LDLRAP1: variants seen among roughly 807,000 people sequenced by gnomAD.
The protein encoded by LDLRAP1 is low density lipoprotein receptor adapter protein 1.
A neutral mutation model predicts 37.8 loss-of-function variants in LDLRAP1; 30 were observed. The ratio of observed to expected loss-of-function variants is 0.79; its 90% CI spans 0.59 to 1.08. The LOEUF is 1.08. LDLRAP1 is among the 50% of genes least tolerant of loss of function. LDLRAP1 has a pLI of 0.00. For missense variants in LDLRAP1, 375 were observed against 401.6 expected, an observed-to-expected ratio of 0.93 and a Z score of 0.57; for synonymous variants, 156 against 169.8, an observed-to-expected ratio of 0.92 and a Z score of 0.63.
At chr1:25,583,072 A>G in the LDLRAP1 span, among the ~76,000 whole-genome samples, 3 of 151,986 alleles carry the variant, frequency 2.0e-5, no homozygotes, top group East Asian at 5.8e-4. Context: ...ACTATCTCAA[A>G]AAAAAAAACA....
Position 25,554,095 on chromosome 1 carries a change from A to G in LDLRAP1, c.231+31A>G, listed in dbSNP as rs781001444. ...CACCCCAGTCAGGAAGGGTGGGGGA[A>G]CCAGGGACCAAGGACCAGCTTCTTC... On this transcript the variant is annotated intron_variant, in intron 2 of 8. Transcript: ENST00000374338. The surrounding 1 kb of genome is among the most constrained non-coding windows in gnomAD (Gnocchi z 5.4). 2.5e-6 allele frequency: 4 copies of G among 1,611,846 alleles called. No homozygotes were observed. The highest frequency in any genetic ancestry group is 1.7e-4 in the Middle Eastern group (1 of 6,000).
chr1:25,543,880 G>C, intron 1 of LDLRAP1, 94 bp downstream of exon 1: 4 of 786,776 alleles, frequency 5.1e-6, no homozygotes, highest in Non-Finnish European at 5.0e-6. Flanking sequence ...GTTGGGCAGA[G>C]GCGGGGCCTC....
At chr1:25,550,814 C>T (rs567320936) in intron 1 of LDLRAP1, among the ~76,000 whole-genome samples, 1 of 151,992 alleles carries the variant, frequency 6.6e-6, no homozygotes, top group Non-Finnish European at 1.5e-5. Flanking sequence ...AAGGGTCAGG[C>T]CAGGGAAGGA....
rs2124692528 is a variant in LDLRAP1 at position 25,563,678 on chromosome 1, C to T, written c.634C>T (p.Leu212=). The T allele has an allele frequency of 6.2e-7, 1 of 1,613,794 alleles. No homozygotes were observed. The change falls in exon 7 of 9, where the codon CTG becomes TTG. Residue 212 remains leucine (L), a synonymous_variant. Transcript: ENST00000374338. ...SLKSLVATGN[L]LDLEETAKAP... ...CCTCACAGTGGTCGCCACTGGGAAC[C>T]TGCTGGACTTAGAGGAGACAGCTAA...
the LDLRAP1 span, among the ~76,000 whole-genome samples, chr1:25,576,769 C>G: frequency 6.6e-6 from 1 of 152,268 alleles, no homozygotes; most frequent in African/African-American, 2.4e-5. Flanking sequence ...TCTCCCACCC[C>G]ATCCGGCCTG....
chr1:25,582,547 T>G, the LDLRAP1 span, among the ~76,000 whole-genome samples: 1 of 150,150 alleles, frequency 6.7e-6, no homozygotes, highest in Non-Finnish European at 1.5e-5. Context: ...ATCGTGCCAC[T>G]GCACTCCAGC....
At chr1:25,566,262 C>T (rs1360894062) in intron 8 of LDLRAP1, among the ~76,000 whole-genome samples, 1 of 152,084 alleles carries the variant, frequency 6.6e-6, no homozygotes, top group Non-Finnish European at 1.5e-5. Context: ...ATCAGCTCAT[C>T]GTATTTGCAT....
intron 8 of LDLRAP1, 61 bp downstream of exon 8, chr1:25,565,268 C>T: frequency 6.3e-7 from 1 of 1,584,888 alleles, no homozygotes; most frequent in Non-Finnish European, 8.7e-7. Context: ...CCCTGCTGCC[C>T]TTTCTCCTGG....
chr1:25,566,168 A>G (rs953191097), intron 8 of LDLRAP1, among the ~76,000 whole-genome samples: 1 of 152,222 alleles, frequency 6.6e-6, no homozygotes, highest in Non-Finnish European at 1.5e-5. Flanking sequence ...ATTAAACAGA[A>G]AGTAACACCA....
rs866025690 is a variant in LDLRAP1 at position 25,562,701 on chromosome 1, C to A, written c.517C>A (p.Gln173Lys). ...CTTCAAAGTCGCCTTTGAGTTTTGG[C>A]AGGTGTCCAAGGAAGGTGAGACTTT... ...QAFKVAFEFW[Q>K]VSKEEKEKRD... The change falls in exon 5 of 9, where the codon CAG becomes AAG. Residue 173 changes from glutamine (Q) to lysine (K), a missense_variant. By Grantham distance (53) the Gln-to-Lys change is moderately conservative. Coordinates refer to ENST00000374338, the MANE Select transcript of LDLRAP1 (RefSeq NM_015627.3). 6.2e-7 allele frequency: 1 copy of A among 1,614,066 alleles called. No individual in the cohort carries two copies. Among genetic ancestry groups the A allele is most frequent in the East Asian group, 2.2e-5 (1 of 44,880 alleles).
intron 7 of LDLRAP1, 26 bp downstream of exon 7, chr1:25,563,817 C>T (rs767484345): frequency 8.1e-6 from 13 of 1,612,838 alleles, no homozygotes; most frequent in East Asian, 4.5e-5. Flanking sequence ...GCCAGCAGAT[C>T]GGTGATCCTC....
At chr1:25,589,534 G>A in the LDLRAP1 span, among the ~76,000 whole-genome samples, 1 of 152,114 alleles carries the variant, frequency 6.6e-6, no homozygotes, top group African/African-American at 2.4e-5. Flanking sequence ...ACACCAATGT[G>A]GGTAGGCACC....
At chr1:25,578,278 A>G in the LDLRAP1 span, among the ~76,000 whole-genome samples, 2 of 152,228 alleles carry the variant, frequency 1.3e-5, no homozygotes, top group Non-Finnish European at 2.9e-5. Context: ...TGATGACTAT[A>G]GACAGAGGCC....
intron 4 of LDLRAP1, 159 bp downstream of exon 4, chr1:25,557,426 G>T: frequency 1.6e-6 from 1 of 633,820 alleles, no homozygotes; most frequent in South Asian, 1.9e-5. Flanking sequence ...CGAGAGCTAA[G>T]GGGTACAGTG....
chr1:25,588,447 C>T, the LDLRAP1 span, among the ~76,000 whole-genome samples: 3 of 152,228 alleles, frequency 2.0e-5, no homozygotes, highest in East Asian at 3.8e-4. Flanking sequence ...GGAGTTGGGA[C>T]ATGCGGGCGG....
Position 25,554,907 on chromosome 1 carries a change from G to C in LDLRAP1, c.279G>C (p.Ser93=). 6.2e-7 allele frequency: 1 copy of C among 1,614,212 alleles called. No homozygotes were observed. Among genetic ancestry groups the C allele is most frequent in the Admixed American group, 1.7e-5 (1 of 60,032 alleles). ...TGCAGAAGGTGACTCTGAAGGTGTC[G>C]CCACGGGGAATTATCCTGACAGACA... ...KKLQKVTLKV[S]PRGIILTDNL... Residue 93 remains serine (S), a synonymous_variant, in exon 3 of 9, where the codon TCG becomes TCC. Transcript: ENST00000374338. The surrounding 1 kb of genome is among the most constrained non-coding windows in gnomAD (Gnocchi z 5.4).
At chr1:25,576,766 C>T in the LDLRAP1 span, among the ~76,000 whole-genome samples, 4 of 152,244 alleles carry the variant, frequency 2.6e-5, no homozygotes, top group Admixed American at 1.3e-4. Context: ...CTCTCTCCCA[C>T]CCCATCCGGC....
intron 4 of LDLRAP1, chr1:25,557,527 C>T (rs1171817888): frequency 1.8e-6 from 1 of 548,002 alleles, no homozygotes; most frequent in Non-Finnish European, 3.3e-6. Context: ...GGCCTGTTCT[C>T]TCTGTAACGG....
At chr1:25,565,357 TC>T in intron 8 of LDLRAP1, 150 bp downstream of exon 8, 1 of 889,438 alleles carries the variant, frequency 1.1e-6, no homozygotes, top group Non-Finnish European at 1.9e-6. Flanking sequence ...CTCAAATGCT[TC>T]CAGGGGCAGG....
Sources: allele counts gnomAD v4.1 joint callset (sites outside exome capture counted in the v4.1 genomes callset), GRCh38; gene constraint gnomAD v4.1.1; non-coding constraint Gnocchi (gnomAD v3.1); transcripts MANE v1.5; gene names NCBI Gene and HGNC (gene_info 2026-07-23, HGNC 2026-07-21).